USP46: variants seen among roughly 807,000 people sequenced by gnomAD.
The protein encoded by USP46 is ubiquitin specific peptidase 46, also known as ubiquitin carboxyl-terminal hydrolase 46.
USP46 carries 12 observed loss-of-function variants against 44.4 expected under a neutral mutation model. That is an observed-to-expected ratio of 0.27 (90% CI 0.17 to 0.44). The LOEUF (loss-of-function observed/expected upper bound fraction) is 0.44. Among genes scored for constraint, USP46 ranks in the 20% least tolerant of loss-of-function variants. USP46 has a pLI of 1.00. For synonymous variants in USP46, 155 were observed against 161.5 expected (o/e 0.96, Z 0.31); for missense variants, 248 against 444.8 (o/e 0.56, Z 3.98).
At chr4:52,621,003 A>G (rs1293314301) in intron 4 of USP46, among the ~76,000 whole-genome samples, 2 of 152,242 alleles carry the variant, frequency 1.3e-5, no homozygotes, top group African/African-American at 4.8e-5. Context: ...ACTGAGCAAA[A>G]GGCAAAACAC....
intron 1 of USP46, among the ~76,000 whole-genome samples, chr4:52,636,811 T>G (rs1238905676): frequency 6.6e-6 from 1 of 151,904 alleles, no homozygotes; most frequent in Non-Finnish European, 1.5e-5. Context: ...ATAAAATCTT[T>G]TTTTTTTTCT....
chr4:52,599,836 T>TCC (rs1028033340), intron 7 of USP46, among the ~76,000 whole-genome samples: 5 of 152,154 alleles, frequency 3.3e-5, no homozygotes, highest in African/African-American at 1.2e-4. Flanking sequence ...TGTCTCCCTT[T>TCC]CCCTCTGAGC....
chr4:52,599,967 T>G (rs559450077), intron 7 of USP46, among the ~76,000 whole-genome samples: 1 of 152,328 alleles, frequency 6.6e-6, no homozygotes, highest in Non-Finnish European at 1.5e-5. Context: ...TGTGCTCAAA[T>G]GTCACCTCCC....
At chr4:52,631,689 G>A (rs1717832671) in intron 1 of USP46, among the ~76,000 whole-genome samples, 1 of 152,174 alleles carries the variant, frequency 6.6e-6, no homozygotes, top group African/African-American at 2.4e-5. Context: ...AAGGAAAAGT[G>A]TGTTGGAGAG....
intron 1 of USP46, among the ~76,000 whole-genome samples, chr4:52,653,657 A>T (rs1225382317): frequency 2.6e-5 from 4 of 152,132 alleles, no homozygotes; most frequent in Non-Finnish European, 5.9e-5. Flanking sequence ...AGACCAGAAA[A>T]GTTAACTAGA....
intron 4 of USP46, among the ~76,000 whole-genome samples, chr4:52,617,016 T>C (rs888160780): frequency 6.6e-6 from 1 of 152,326 alleles, no homozygotes; most frequent in East Asian, 1.9e-4. Context: ...TGTATGCTAG[T>C]AAACAAAAGG....
intron 1 of USP46, among the ~76,000 whole-genome samples, chr4:52,641,969 TC>T (rs1324702432): frequency 3.9e-5 from 6 of 152,156 alleles, no homozygotes; most frequent in Admixed American, 6.5e-5. Context: ...GATCTATCGT[TC>T]AAAAGGCTAC....
In USP46 at chr4:52,593,059, G is replaced by A; in HGVS notation, c.*4581C>T. 1 of 397,414 alleles carries A rather than the reference G, an allele frequency of 2.5e-6. No individual in the cohort carries two copies. Among genetic ancestry groups the A allele is most frequent in the Admixed American group, 4.4e-5 (1 of 22,706 alleles). The allele number at this position is 397,414 out of a possible 1,614,324, so 24.6% of individuals were successfully genotyped here. ...CGCTCAGGTATGTCTTTATAGCACT[G>A]CCAGAATGGACAAATACAACGACTT... is the stretch of plus-strand genomic sequence containing the variant. On this transcript the variant is annotated 3_prime_UTR_variant, in exon 9 of 9. Transcript: ENST00000441222.
chr4:52,623,907 G>A (rs971297281), intron 4 of USP46, among the ~76,000 whole-genome samples: 10 of 152,096 alleles, frequency 6.6e-5, no homozygotes, highest in South Asian at 4.2e-4. Context: ...GCAGCAGAGC[G>A]AGATTCTGTT....
intron 1 of USP46, among the ~76,000 whole-genome samples, chr4:52,642,836 G>C (rs776353563): frequency 6.6e-6 from 1 of 152,174 alleles, no homozygotes; most frequent in Admixed American, 6.5e-5. Flanking sequence ...GAGTTCTAGA[G>C]AGTAAACCAT....
chr4:52,613,247 C>A (rs7671541), intron 4 of USP46, among the ~76,000 whole-genome samples: 20 of 152,108 alleles, frequency 1.3e-4, no homozygotes, highest in African/African-American at 4.6e-4. Flanking sequence ...CTCCAACTCT[C>A]CCCACATGTG....
At chr4:52,646,276 C>G (rs1718547514) in intron 1 of USP46, among the ~76,000 whole-genome samples, 1 of 152,164 alleles carries the variant, frequency 6.6e-6, no homozygotes, top group South Asian at 2.1e-4. Flanking sequence ...TGCGGCAACC[C>G]GGCCCTCGGG....
rs765272851 is a variant in USP46 at position 52,626,213 on chromosome 4, A to G, written c.366T>C (p.His122=). The stretch of plus-strand genomic sequence containing the variant: ...TGTTTAGCAAATAATTTAAAAATTC[A>G]TGAGCATCCTGCTGCATGTAGTTAT... ...LFDNYMQQDA[H]EFLNYLLNTI... The change falls in exon 4 of 9, where the codon CAT becomes CAC. Residue 122 remains histidine (H), a synonymous_variant. Coordinates refer to ENST00000441222, the MANE Select transcript of USP46 (RefSeq NM_022832.4). 1.2e-6 allele frequency: 2 copies of G among 1,613,756 alleles called. No homozygotes were observed. Among genetic ancestry groups the G allele is most frequent in the Non-Finnish European group, 1.7e-6 (2 of 1,179,830 alleles).
chr4:52,638,786 G>A (rs1718220337), intron 1 of USP46, among the ~76,000 whole-genome samples: 2 of 152,006 alleles, frequency 1.3e-5, no homozygotes, highest in Non-Finnish European at 2.9e-5. Context: ...CTGGATGAAT[G>A]CATGCATGGA....
intron 1 of USP46, among the ~76,000 whole-genome samples, chr4:52,643,810 C>A (rs746078826): frequency 2.0e-5 from 3 of 152,192 alleles, no homozygotes; most frequent in Non-Finnish European, 2.9e-5. Flanking sequence ...ATGTAGGGAA[C>A]CTGCCCAAGC....
intron 1 of USP46, among the ~76,000 whole-genome samples, chr4:52,635,120 A>G (rs1425469927): frequency 6.6e-6 from 1 of 150,626 alleles, no homozygotes; most frequent in African/African-American, 2.4e-5. Context: ...CCTCCAGGCA[A>G]TGTTACCACT....
At chr4:52,642,684 A>C (rs375962219) in intron 1 of USP46, among the ~76,000 whole-genome samples, 2 of 152,252 alleles carry the variant, frequency 1.3e-5, no homozygotes, top group African/African-American at 4.8e-5. Context: ...CAGAGGAGAC[A>C]TGAGATGTAG....
At chr4:52,613,733 AAAAAG>A (rs1401054627) in intron 4 of USP46, among the ~76,000 whole-genome samples, 5 of 151,750 alleles carry the variant, frequency 3.3e-5, no homozygotes, top group African/African-American at 7.3e-5. Flanking sequence ...AAAAAAAAAA[AAAAAG>A]AAAAGAAAAG....
At chr4:52,604,714 T>A (rs903162584) in intron 5 of USP46, 130 bp from the exon 6 acceptor site, 4 of 635,244 alleles carry the variant, frequency 6.3e-6, no homozygotes, top group Non-Finnish European at 1.0e-5. Flanking sequence ...CAGAAAAAAA[T>A]CCTACTTAAG....
Sources: gnomAD v4.1 joint callset for allele counts (sites outside exome capture counted in the v4.1 genomes callset) on GRCh38, gnomAD v4.1.1 for gene constraint, MANE v1.5 for transcripts, NCBI Gene and HGNC (gene_info 2026-07-23, HGNC 2026-07-21) for gene names.